Variants in CIB1 observed in about 807,000 individuals in gnomAD.
CIB1 encodes calcium and integrin-binding protein 1.
Under a neutral mutation model 25.0 loss-of-function variants are expected in CIB1, and 19 were observed. That is an observed-to-expected ratio of 0.76 (90% CI 0.53 to 1.12). The LOEUF is 1.12. Ranked by LOEUF, CIB1 falls within the 50% of genes most tolerant of loss-of-function variation. The pLI is 0.00. For missense variants in CIB1, 236 were observed against 242.6 expected, an observed-to-expected ratio of 0.97 and a Z score of 0.18; for synonymous variants, 104 against 98.5, an observed-to-expected ratio of 1.06 and a Z score of -0.33.
chr15:90,233,298 T>C (rs1422199760), intron 2 of CIB1, among the ~76,000 whole-genome samples: 1 of 152,244 alleles, frequency 6.6e-6, no homozygotes, highest in African/African-American at 2.4e-5. Context: ...GTTACTGTAT[T>C]ATTCAGGTAA....
intron 1 of CIB1, 30 bp downstream of exon 1, chr15:90,233,805 G>A (rs1962567748): frequency 6.4e-7 from 1 of 1,550,802 alleles, no homozygotes; most frequent in African/African-American, 1.4e-5. Flanking sequence ...GCCCGCACGC[G>A]AGCTCCCCAG....
chr15:90,252,623 C>T, the CIB1 span, among the ~76,000 whole-genome samples: 1 of 152,134 alleles, frequency 6.6e-6, no homozygotes, highest in Non-Finnish European at 1.5e-5. Context: ...TATAAGGAAC[C>T]ACACAAGTAT....
chr15:90,262,978 C>T, the CIB1 span: 1 of 1,535,772 alleles, frequency 6.5e-7, no homozygotes, highest in Non-Finnish European at 8.7e-7. Context: ...GCTGCCGGGA[C>T]AGCTGGACAC....
At chr15:90,242,253 CT>C in the CIB1 span, 814 of 88,946 alleles carry the variant, frequency 9.2e-3, no homozygotes, top group South Asian at 0.016. Context: ...ACACACCTGG[CT>C]TTTTTTTTTT....
At chr15:90,240,978 C>G in the CIB1 span, 3 of 1,613,918 alleles carry the variant, frequency 1.9e-6, no homozygotes, top group Admixed American at 1.7e-5. Flanking sequence ...CTGGGGCAGG[C>G]AAACCATTCC....
chr15:90,238,899 A>C (rs1385521397), upstream of CIB1, among the ~76,000 whole-genome samples: 2 of 152,306 alleles, frequency 1.3e-5, no homozygotes, highest in South Asian at 2.1e-4. Flanking sequence ...AGACCACCTG[A>C]ACAGCATAGC....
At chr15:90,254,810 C>T in the CIB1 span, among the ~76,000 whole-genome samples, 3 of 152,226 alleles carry the variant, frequency 2.0e-5, no homozygotes, top group Non-Finnish European at 4.4e-5. Context: ...CACACCACTG[C>T]ACTCCAGCCT....
chr15:90,258,202 G>A, the CIB1 span: 2 of 1,614,254 alleles, frequency 1.2e-6, no homozygotes, highest in Admixed American at 1.7e-5. Context: ...GGAGGTACAT[G>A]TGCCTGTTTT....
chr15:90,256,544 T>TC, the CIB1 span, among the ~76,000 whole-genome samples: 26 of 125,490 alleles, frequency 2.1e-4, no homozygotes, highest in African/African-American at 6.1e-4. Context: ...GTCTCCTTCC[T>TC]TTTTCTTTCT....
At chr15:90,234,799 C>A (rs78020548), upstream of CIB1, among the ~76,000 whole-genome samples, 1 of 152,170 alleles carries the variant, frequency 6.6e-6, no homozygotes, top group Non-Finnish European at 1.5e-5. Context: ...CTCTTGTCCC[C>A]TCTTAACCTC....
the CIB1 span, chr15:90,264,181 G>A: frequency 1.5e-6 from 1 of 652,888 alleles, no homozygotes; most frequent in South Asian, 1.9e-5. Context: ...GGGAAGTTAG[G>A]GTACCCATTT....
chr15:90,262,095 C>T, the CIB1 span: 4 of 1,536,118 alleles, frequency 2.6e-6, no homozygotes, highest in Non-Finnish European at 3.5e-6. Flanking sequence ...CGGATCTACC[C>T]TGGGCCTGAC....
chr15:90,247,085 C>G, the CIB1 span, among the ~76,000 whole-genome samples: 1 of 151,592 alleles, frequency 6.6e-6, no homozygotes, highest in African/African-American at 2.4e-5. Flanking sequence ...AAGCAATTCT[C>G]CTGCCTAGGC....
the CIB1 span, chr15:90,250,961 G>T: frequency 6.5e-7 from 1 of 1,537,060 alleles, no homozygotes; most frequent in East Asian, 2.3e-5. Context: ...AACATCTGGA[G>T]GAGCTGGGAT....
intron 2 of CIB1, among the ~76,000 whole-genome samples, chr15:90,232,833 AGGCAGGAGAATCACTTGAACCCG>A (rs1596172270): frequency 1.3e-5 from 2 of 151,294 alleles, no homozygotes; most frequent in South Asian, 2.1e-4. Context: ...TTGAACCCGG[AGGCAGGAGAATCACTTGAACCCG>A]GAGGCAGAGC....
chr15:90,258,869 G>A, the CIB1 span: 1 of 1,614,192 alleles, frequency 6.2e-7, no homozygotes, highest in Non-Finnish European at 8.5e-7. Flanking sequence ...GATGGAGGAG[G>A]ATAAGCGGCG....
In CIB1 at chr15:90,233,689, C is replaced by G; in HGVS notation, c.66G>C (p.Leu22=). ...LLAEYQDLTF[L]TKQEILLAHR... Reference sequence around the variant, plus strand: ...CTTACAGGAGGATCTCCTGCTTCGTCAGGAACGTCAAGTCCTGGAAGGCAA... The same window carrying G: ...CTTACAGGAGGATCTCCTGCTTCGTGAGGAACGTCAAGTCCTGGAAGGCAA... Residue 22 remains leucine (L), a synonymous_variant, in exon 2 of 7, where the codon CTG becomes CTC. Transcript: ENST00000328649. 1 of 1,577,548 alleles carries G rather than the reference C, an allele frequency of 6.3e-7. No homozygotes were observed. The highest frequency in any genetic ancestry group is 8.6e-7 in the Non-Finnish European group (1 of 1,161,396).
the CIB1 span, chr15:90,241,811 A>G: frequency 6.2e-7 from 1 of 1,614,142 alleles, no homozygotes; most frequent in Non-Finnish European, 8.5e-7. Flanking sequence ...GAAAGACATC[A>G]CCTTCCTCAG....
the CIB1 span, chr15:90,255,894 G>C: frequency 6.2e-7 from 1 of 1,614,174 alleles, no homozygotes; most frequent in Non-Finnish European, 8.5e-7. Flanking sequence ...GAGTGAGTGG[G>C]TCTGGCTTCC....
Sources: gnomAD v4.1 joint callset for allele counts (sites outside exome capture counted in the v4.1 genomes callset) on GRCh38, gnomAD v4.1.1 for gene constraint, MANE v1.5 for transcripts, NCBI Gene and HGNC (gene_info 2026-07-23, HGNC 2026-07-21) for gene names.